The following MYRIP variants were observed in gnomAD, a reference collection of about 807,000 sequenced individuals.
The protein encoded by MYRIP is rab effector MyRIP.
A neutral mutation model predicts 98.0 loss-of-function variants in MYRIP; 49 were observed. The observed-to-expected ratio is 0.50, with a 90% confidence interval of 0.40 to 0.63. The LOEUF (loss-of-function observed/expected upper bound fraction) is 0.63, where lower values mean the gene tolerates loss of function less well. Among genes scored for constraint, MYRIP ranks in the 30% least tolerant of loss-of-function variants. The pLI, the probability that MYRIP is intolerant of heterozygous loss-of-function variation, is 0.00. For synonymous variants in MYRIP, 404 were observed against 409.5 expected (o/e 0.99, Z 0.16); for missense variants, 1,004 against 1,058.2 (o/e 0.95, Z 0.71).
chr3:39,851,237 GC>G (rs1355593003), intron 1 of MYRIP, among the ~76,000 whole-genome samples: 6 of 144,948 alleles, frequency 4.1e-5, no homozygotes, highest in Non-Finnish European at 7.7e-5. Flanking sequence ...TGATTTCAGA[GC>G]CCAGACTCTG....
intron 8 of MYRIP, among the ~76,000 whole-genome samples, chr3:40,172,457 A>G (rs890319880): frequency 2.0e-4 from 31 of 152,150 alleles, no homozygotes; most frequent in African/African-American, 6.3e-4. Flanking sequence ...ATGTTCAAGA[A>G]ATAGAATAGT....
At chr3:40,130,073 T>C (rs73827315) in intron 3 of MYRIP, among the ~76,000 whole-genome samples, 1 of 152,186 alleles carries the variant, frequency 6.6e-6, no homozygotes, top group South Asian at 2.1e-4. Flanking sequence ...GATTCTTTGA[T>C]TCACGCAGCT....
chr3:40,031,541 G>C (rs1482877403), intron 2 of MYRIP, among the ~76,000 whole-genome samples: 1 of 152,074 alleles, frequency 6.6e-6, no homozygotes, highest in East Asian at 1.9e-4. Flanking sequence ...CTTAGAGTTT[G>C]GTCTTGAAGG....
chr3:39,893,680 A>ACG (rs1296681095), intron 1 of MYRIP, among the ~76,000 whole-genome samples: 1 of 102,124 alleles, frequency 9.8e-6, no homozygotes, highest in African/African-American at 3.7e-5. Context: ...GAAATCACAC[A>ACG]CACACACACA....
At chr3:39,875,481 G>T (rs1942960319) in intron 1 of MYRIP, among the ~76,000 whole-genome samples, 1 of 151,688 alleles carries the variant, frequency 6.6e-6, no homozygotes, top group African/African-American at 2.4e-5. Context: ...GGCATTTAGT[G>T]CTATAAATTT....
At chr3:39,887,172 T>C (rs1234656254) in intron 1 of MYRIP, among the ~76,000 whole-genome samples, 1 of 152,026 alleles carries the variant, frequency 6.6e-6, no homozygotes, top group Non-Finnish European at 1.5e-5. Context: ...CCAGAATCTC[T>C]GGGACGCATT....
intron 1 of MYRIP, among the ~76,000 whole-genome samples, chr3:39,835,086 A>G (rs914756415): frequency 6.6e-6 from 1 of 152,196 alleles, no homozygotes; most frequent in Non-Finnish European, 1.5e-5. Context: ...CTGAGACAGA[A>G]AAAGACATTG....
chr3:40,188,882 A>G (rs192561187), intron 9 of MYRIP, among the ~76,000 whole-genome samples: 2 of 152,272 alleles, frequency 1.3e-5, no homozygotes, highest in Admixed American at 6.5e-5. Flanking sequence ...CTCCCACCCC[A>G]CAGACACGTG....
rs139099055 is a variant in MYRIP, at chr3:40,085,249, A to G, written c.332+40978A>G. Among the ~76,000 whole-genome samples, 1,046 of 151,716 alleles carry G rather than the reference A, an allele frequency of 6.9e-3. 3 individuals carry two copies. The highest frequency in any genetic ancestry group is 0.011 in the Non-Finnish European group (765 of 67,940). ...ATATATCCACAGATAATATGTGTCT[A>G]TGTATTATATATAATTCACACACAC... is the stretch of plus-strand genomic sequence containing the variant. On this transcript the variant is annotated intron_variant, in intron 3 of 16. Transcript: ENST00000302541.
intron 4 of MYRIP, among the ~76,000 whole-genome samples, chr3:40,158,055 T>C (rs1259764166): frequency 6.6e-6 from 1 of 152,132 alleles, no homozygotes; most frequent in East Asian, 1.9e-4. Flanking sequence ...ATGTGTTTGC[T>C]CTTGCTTTTC....
chr3:39,913,940 T>G (rs1441499554), intron 2 of MYRIP, among the ~76,000 whole-genome samples: 1 of 152,334 alleles, frequency 6.6e-6, no homozygotes, highest in East Asian at 1.9e-4. Context: ...CAGATTAGCT[T>G]CTTATGAAAT....
At chr3:40,091,467 C>T (rs1051458593) in intron 3 of MYRIP, among the ~76,000 whole-genome samples, 5 of 152,164 alleles carry the variant, frequency 3.3e-5, no homozygotes, top group African/African-American at 9.7e-5. Flanking sequence ...CTTAGTAAAA[C>T]CTTTCCTTCT....
chr3:39,984,797 G>A (rs143093107), intron 2 of MYRIP, among the ~76,000 whole-genome samples: 4,102 of 151,704 alleles, frequency 0.027, 186 homozygotes, highest in African/African-American at 0.093. Context: ...CTGAGGAATC[G>A]CCACACTGAC....
chr3:40,172,482 A>C (rs1950638773), intron 8 of MYRIP, among the ~76,000 whole-genome samples: 1 of 152,188 alleles, frequency 6.6e-6, no homozygotes, highest in South Asian at 2.1e-4. Context: ...GTGTGGCTAG[A>C]AAATGGGGTA....
intron 2 of MYRIP, among the ~76,000 whole-genome samples, chr3:39,994,253 G>A (rs1042749209): frequency 4.6e-5 from 7 of 152,366 alleles, no homozygotes; most frequent in African/African-American, 1.4e-4. Context: ...CGCCTCATCC[G>A]GGAAGTGCAA....
At chr3:39,998,099 A>T (rs1421794732) in intron 2 of MYRIP, among the ~76,000 whole-genome samples, 1 of 152,218 alleles carries the variant, frequency 6.6e-6, no homozygotes, top group African/African-American at 2.4e-5. Context: ...CAAAAACTGG[A>T]AGCATTCCCT....
intron 3 of MYRIP, among the ~76,000 whole-genome samples, chr3:40,051,051 C>CA (rs548156857): frequency 1.3e-3 from 194 of 151,934 alleles, no homozygotes; most frequent in African/African-American, 4.4e-3. Flanking sequence ...GTTGAAATGA[C>CA]AAAAAAATGA....
chr3:40,190,362 C>G lies in MYRIP; in HGVS notation c.1564C>G (p.Arg522Gly), dbSNP rs370580889. 1 of 1,613,814 alleles carries G rather than the reference C, an allele frequency of 6.2e-7. No individual in the cohort carries two copies. The highest frequency in any genetic ancestry group is 2.2e-5 in the East Asian group (1 of 44,848). ...GGAGGAGGCCCCCCACACCACAGAC[C>G]GGCGGGCCAGGAGGTGGAGAAGAGC... ...EPEEAPHTTD[R>G]RARRWRRARL... is the part of the protein sequence containing the mutation. The change falls in exon 10 of 17, where the codon CGG (arginine) becomes GGG (glycine). Residue 522 changes from arginine to glycine, a missense_variant. By Grantham distance (125) the Arg-to-Gly change is moderately radical (BLOSUM62 -2). Coordinates refer to ENST00000302541, the MANE Select transcript of MYRIP (RefSeq NM_015460.4).
At chr3:40,006,543 A>G (rs1044093731) in intron 2 of MYRIP, among the ~76,000 whole-genome samples, 2 of 152,186 alleles carry the variant, frequency 1.3e-5, no homozygotes, top group Non-Finnish European at 2.9e-5. Flanking sequence ...ATAATCAAGA[A>G]AACGTCCTGT....
Sources: allele counts gnomAD v4.1 joint callset (sites outside exome capture counted in the v4.1 genomes callset), GRCh38; gene constraint gnomAD v4.1.1; transcripts MANE v1.5; gene names NCBI Gene and HGNC (gene_info 2026-07-23, HGNC 2026-07-21).